BLOC1S6: variants seen among roughly 807,000 people sequenced by gnomAD.
BLOC1S6 encodes biogenesis of lysosome-related organelles complex 1 subunit 6.
BLOC1S6 carries 24 observed loss-of-function variants against 24.7 expected under a neutral mutation model. The observed-to-expected ratio is 0.97, with a 90% CI of 0.70 to 1.37. The LOEUF (loss-of-function observed/expected upper bound fraction) is 1.37, where lower values mean the gene tolerates loss of function less well. Ranked by LOEUF, BLOC1S6 falls within the 40% of genes most tolerant of loss-of-function variation. BLOC1S6 has a pLI of 0.00. For synonymous variants in BLOC1S6, 76 were observed against 72.6 expected, an observed-to-expected ratio of 1.05 and a Z score of -0.23; for missense variants, 175 against 196.2, an observed-to-expected ratio of 0.89 and a Z score of 0.64.
chr15:45,604,960 G>A (rs1297493878), intron 3 of BLOC1S6, among the ~76,000 whole-genome samples: 1 of 152,180 alleles, frequency 6.6e-6, no homozygotes, highest in Non-Finnish European at 1.5e-5. Context: ...GATTAAACTT[G>A]TCCACAGTCC....
rs1894512977 is a variant in BLOC1S6, at chr15:45,607,396, A to G, written c.*882A>G. The G allele has an allele frequency of 6.6e-6, 1 of 152,150 alleles. No homozygotes were observed. The highest frequency in any genetic ancestry group is 1.5e-5 in the Non-Finnish European group (1 of 68,036). The allele number at this position is 152,150 out of a possible 1,614,324, so 9.4% of individuals were successfully genotyped here. A position where few individuals can be genotyped will look rare whatever the true frequency, so the allele number is the denominator to read the frequency against. ...AGGTAGTGGAGCTATCACACACTCA[A>G]ATGAGCTTGTATATTTATAATACAA... On this transcript the variant is annotated 3_prime_UTR_variant, in exon 5 of 5. Transcript: ENST00000220531.
chr15:45,587,729 C>G (rs1893734226), intron 1 of BLOC1S6: 1 of 708,318 alleles, frequency 1.4e-6, no homozygotes, highest in African/African-American at 1.7e-5. Flanking sequence ...CGAGGGGAAG[C>G]TTTGTATTGG....
In BLOC1S6 at chr15:45,593,515, G is replaced by A. The variant is rs150117524; in HGVS notation, c.224+1239G>A. Among the ~76,000 whole-genome samples the A allele has an allele frequency of 4.9e-3, 738 of 151,738 alleles. 5 individuals carry two copies. Among genetic ancestry groups the A allele is most frequent in the African/African-American group, 0.017 (700 of 41,362 alleles). On this transcript the variant is annotated intron_variant, in intron 2 of 4. Coordinates refer to ENST00000220531, the MANE Select transcript of BLOC1S6 (RefSeq NM_012388.4). Reference sequence around the variant, plus strand: ...AAACAAGATTTTTTTTATCCCTAGCGCGCGATATACCTTATATTTTGATGC... The same window carrying A: ...AAACAAGATTTTTTTTATCCCTAGCACGCGATATACCTTATATTTTGATGC...
Position 45,592,253 on chromosome 15 carries a change from A to C in BLOC1S6, c.201A>C (p.Ser67=). 6.2e-7 allele frequency: 1 copy of C among 1,614,092 alleles called. No individual in the cohort carries two copies. The highest frequency in any genetic ancestry group is 8.5e-7 in the Non-Finnish European group (1 of 1,180,026). The part of the protein sequence containing the change: ...LSHYLPDLQR[S]KQALQELTQN... ...ATTATTTGCCAGATCTGCAGAGATC[A>C]AAACAAGCCCTCCAGGAACTCACGT... Residue 67 remains serine, a synonymous_variant, in exon 2 of 5, where the codon TCA becomes TCC. Coordinates refer to ENST00000220531, the MANE Select transcript of BLOC1S6 (RefSeq NM_012388.4).
At chr15:45,588,518 G>A (rs899941066) in intron 1 of BLOC1S6, among the ~76,000 whole-genome samples, 29 of 152,112 alleles carry the variant, frequency 1.9e-4, no homozygotes, top group African/African-American at 7.0e-4. Flanking sequence ...ACCTCTAGGG[G>A]ATTCTCCTAT....
intron 2 of BLOC1S6, among the ~76,000 whole-genome samples, chr15:45,600,474 C>T (rs8025600): frequency 0.096 from 14,500 of 151,820 alleles, 2,373 homozygotes; most frequent in African/African-American, 0.33. Context: ...GAGGAAGATC[C>T]TCTCTCTTCC....
chr15:45,590,347 A>C (rs1324092712), intron 1 of BLOC1S6, among the ~76,000 whole-genome samples: 2 of 151,544 alleles, frequency 1.3e-5, no homozygotes, highest in Non-Finnish European at 2.9e-5. Flanking sequence ...AAAATTATAT[A>C]ATTTTATTTT....
intron 3 of BLOC1S6, 72 bp downstream of exon 3, chr15:45,603,259 A>T: frequency 6.3e-6 from 6 of 955,536 alleles, no homozygotes; most frequent in Non-Finnish European, 9.8e-6. Flanking sequence ...GCTAAGCAAT[A>T]GCTAAGATTT....
Position 45,609,329 on chromosome 15 carries a change from A to AAAACAAAC in BLOC1S6, c.*2830_*2837dup, listed in dbSNP as rs376870196. On this transcript the variant is annotated 3_prime_UTR_variant, in exon 5 of 5. Coordinates refer to ENST00000220531, the MANE Select transcript of BLOC1S6 (RefSeq NM_012388.4). ...AGAGTGAGACCCTGTTTCTAAAAAC[A>AAAACAAAC]AAACAAACAAACAAACAAACAACGT... The AAAACAAAC allele has an allele frequency of 2.0e-5, 3 of 151,968 alleles. No homozygotes were observed. The highest frequency in any genetic ancestry group is 6.5e-5 in the Admixed American group (1 of 15,280). The allele number at this position is 151,968 out of a possible 1,614,324, so 9.4% of individuals were successfully genotyped here. A position where few individuals can be genotyped will look rare whatever the true frequency, so the allele number is the denominator to read the frequency against.
At chr15:45,589,966 A>T (rs772582611) in intron 1 of BLOC1S6, among the ~76,000 whole-genome samples, 3 of 152,204 alleles carry the variant, frequency 2.0e-5, no homozygotes, top group African/African-American at 7.2e-5. Flanking sequence ...GAAGTGAATT[A>T]GTTGTTATTC....
intron 1 of BLOC1S6, chr15:45,587,855 G>T: frequency 3.0e-6 from 2 of 676,742 alleles, no homozygotes; most frequent in South Asian, 3.2e-5. Context: ...CCAGAAAGAT[G>T]ATCAGCTTAT....
intron 1 of BLOC1S6, 119 bp from the exon 2 acceptor site, chr15:45,592,016 A>G: frequency 8.4e-7 from 1 of 1,191,518 alleles, no homozygotes; most frequent in Non-Finnish European, 1.2e-6. Context: ...TTTACAACTA[A>G]TTGATCACAA....
chr15:45,606,219 A>G (rs780287751), intron 4 of BLOC1S6, among the ~76,000 whole-genome samples, 176 bp from the exon 5 acceptor site: 4 of 152,178 alleles, frequency 2.6e-5, no homozygotes, highest in African/African-American at 4.8e-5. Flanking sequence ...AAGAGTTTAG[A>G]GCAACAAATT....
intron 3 of BLOC1S6, among the ~76,000 whole-genome samples, chr15:45,603,647 G>A (rs564427518): frequency 5.6e-4 from 86 of 152,264 alleles, no homozygotes; most frequent in African/African-American, 2.0e-3. Flanking sequence ...CCAGGAGGTC[G>A]AGGCCACAAG....
intron 2 of BLOC1S6, among the ~76,000 whole-genome samples, chr15:45,594,372 C>T (rs1035540697): frequency 1.3e-5 from 2 of 152,028 alleles, no homozygotes; most frequent in South Asian, 2.1e-4. Flanking sequence ...CTAAAGCAGC[C>T]ACAGAGGTGC....
intron 2 of BLOC1S6, among the ~76,000 whole-genome samples, chr15:45,594,169 G>A (rs1893986195): frequency 6.6e-6 from 1 of 152,022 alleles, no homozygotes; most frequent in Admixed American, 6.6e-5. Context: ...TATAGAAACA[G>A]GTCCACAGAG....
rs1894225374 is a variant in BLOC1S6, at chr15:45,600,250, GCAGTGCAC to G, written c.225-2846_225-2839del. On this transcript the variant is annotated intron_variant, in intron 2 of 4. Transcript: ENST00000220531. ...AATGCTAGATGACGAGTTAGTGGGT[GCAGTGCAC>G]CAGCATGGCACATGTATACATACGT... Among the ~76,000 whole-genome samples the G allele has an allele frequency of 6.6e-5, 10 of 151,032 alleles. 1 individual carries two copies. In the South Asian group the frequency reaches 2.1e-3, roughly 32 times the overall value.
chr15:45,593,200 C>T (rs1055403851), intron 2 of BLOC1S6, among the ~76,000 whole-genome samples: 2 of 151,284 alleles, frequency 1.3e-5, no homozygotes, highest in African/African-American at 2.4e-5. Context: ...TTTAGACCAC[C>T]CTGGCGAAAC....
intron 1 of BLOC1S6, among the ~76,000 whole-genome samples, chr15:45,588,218 T>C (rs1893755961): frequency 6.6e-6 from 1 of 152,234 alleles, no homozygotes; most frequent in Admixed American, 6.5e-5. Flanking sequence ...CCCCAAATAG[T>C]GCTCTCAGCA....
Sources: allele counts gnomAD v4.1 joint callset (sites outside exome capture counted in the v4.1 genomes callset), GRCh38; gene constraint gnomAD v4.1.1; transcripts MANE v1.5; gene names NCBI Gene and HGNC (gene_info 2026-07-23, HGNC 2026-07-21).